The following TAMM41 variants were observed in gnomAD, a reference collection of about 807,000 sequenced individuals.
The protein encoded by TAMM41 is phosphatidate cytidylyltransferase, mitochondrial.
A neutral mutation model predicts 44.1 loss-of-function variants in TAMM41; 36 were observed. The observed-to-expected ratio is 0.82, with a 90% CI of 0.63 to 1.08. The LOEUF is 1.08. Among genes scored for constraint, TAMM41 ranks in the 50% least tolerant of loss-of-function variants. The probability of loss-of-function intolerance (pLI) is 0.00; values close to 1 mark genes in which losing one functional copy is unlikely to be tolerated. For missense variants in TAMM41, 417 were observed against 404.3 expected, an observed-to-expected ratio of 1.03 and a Z score of -0.27; for synonymous variants, 164 against 153.1, an observed-to-expected ratio of 1.07 and a Z score of -0.53.
At chr3:11,774,734 G>A in the TAMM41 span, among the ~76,000 whole-genome samples, 1 of 152,144 alleles carries the variant, frequency 6.6e-6, no homozygotes, top group Non-Finnish European at 1.5e-5. Context: ...GTTCATAGAT[G>A]GCCACTTCTC....
the TAMM41 span, chr3:11,724,988 C>T: frequency 6.6e-6 from 1 of 152,524 alleles, no homozygotes. Flanking sequence ...AGGTAACTGA[C>T]TCCTTCCGTA....
intron 5 of TAMM41, among the ~76,000 whole-genome samples, chr3:11,813,641 T>G (rs2078161216): frequency 6.6e-6 from 1 of 152,068 alleles, no homozygotes; most frequent in Admixed American, 6.5e-5. Flanking sequence ...TGTATTTTAG[T>G]GCCTCATTCT....
At chr3:11,808,558 A>G in intron 6 of TAMM41, 1 of 985,486 alleles carries the variant, frequency 1.0e-6, no homozygotes, top group Non-Finnish European at 1.2e-6. Context: ...TCTATCTGGC[A>G]CGCGGAGGAG....
chr3:11,736,516 G>T, the TAMM41 span, among the ~76,000 whole-genome samples: 1 of 152,210 alleles, frequency 6.6e-6, no homozygotes, highest in East Asian at 1.9e-4. Context: ...CATGGTTTCT[G>T]TTAGGTTACC....
At chr3:11,782,390 A>T in the TAMM41 span, among the ~76,000 whole-genome samples, 1 of 152,044 alleles carries the variant, frequency 6.6e-6, no homozygotes, top group Non-Finnish European at 1.5e-5. Context: ...TACTAAAAAC[A>T]CAAAAAATTA....
intron 7 of TAMM41, 176 bp downstream of exon 7, chr3:11,807,657 A>T: frequency 6.5e-7 from 1 of 1,536,362 alleles, no homozygotes. Flanking sequence ...TTGTTCGACC[A>T]CCAGGTTCTG....
chr3:11,846,868 C>G lies in TAMM41; in HGVS notation c.-232G>C, dbSNP rs955165321. On this transcript the variant is annotated 5_prime_UTR_variant, in exon 1 of 8. Transcript: ENST00000455809. ...GATAGGCTCGGGTGGGCGGCGGTCG[C>G]ACAGGCAGAGCTTCCGTCCCTTGCT... 2.2e-5 allele frequency: 12 copies of G among 547,402 alleles called. No individual in the cohort carries two copies. Among genetic ancestry groups the G allele is most frequent in the Non-Finnish European group, 3.9e-5 (12 of 305,542 alleles). 33.9% of individuals were successfully genotyped at this position (547,402 alleles called of 1,614,324 possible).
downstream of TAMM41, among the ~76,000 whole-genome samples, chr3:11,788,969 A>G (rs1237546954): frequency 2.0e-5 from 3 of 151,878 alleles, no homozygotes; most frequent in African/African-American, 7.3e-5. Flanking sequence ...GAAAAAAAAG[A>G]AAGAAAGAAA....
the TAMM41 span, among the ~76,000 whole-genome samples, chr3:11,783,758 G>A: frequency 2.0e-5 from 3 of 152,200 alleles, no homozygotes; most frequent in African/African-American, 7.2e-5. Context: ...CATGATGACT[G>A]AGCAGTGGTT....
chr3:11,728,095 A>G, the TAMM41 span, among the ~76,000 whole-genome samples: 1 of 152,048 alleles, frequency 6.6e-6, no homozygotes, highest in Non-Finnish European at 1.5e-5. Flanking sequence ...CCCCTGGCCT[A>G]TTTCTTATAA....
the TAMM41 span, among the ~76,000 whole-genome samples, chr3:11,731,493 C>A: frequency 0.51 from 77,837 of 151,718 alleles, 21,108 homozygotes; most frequent in African/African-American, 0.68. Context: ...CCTGTCTCTA[C>A]AAAAATTAAT....
the TAMM41 span, among the ~76,000 whole-genome samples, chr3:11,749,399 C>G: frequency 1.4e-3 from 216 of 152,234 alleles, 1 homozygote; most frequent in African/African-American, 5.0e-3. Context: ...ATCCTTGGGT[C>G]CTGGCCACCA....
intron 6 of TAMM41, chr3:11,808,259 G>A (rs1220376699): frequency 9.3e-7 from 1 of 1,072,396 alleles, no homozygotes; most frequent in African/African-American, 1.7e-5. Context: ...AAAACCAAAT[G>A]ATTACATCTA....
At chr3:11,786,707 C>T (rs1216424237), downstream of TAMM41, among the ~76,000 whole-genome samples, 1 of 151,994 alleles carries the variant, frequency 6.6e-6, no homozygotes, top group Non-Finnish European at 1.5e-5. Context: ...CTCAAGCAAT[C>T]CTCCCACCTC....
chr3:11,740,745 T>C, the TAMM41 span, among the ~76,000 whole-genome samples: 1 of 151,832 alleles, frequency 6.6e-6, no homozygotes, highest in African/African-American at 2.4e-5. Flanking sequence ...TTTGTATTTT[T>C]AGTAGAGACA....
downstream of TAMM41, among the ~76,000 whole-genome samples, chr3:11,788,117 T>G (rs945485617): frequency 1.8e-4 from 28 of 152,200 alleles, no homozygotes; most frequent in African/African-American, 6.8e-4. Context: ...AGGCAGTCAC[T>G]TCCTCTCCAG....
At chr3:11,839,089 T>C in intron 3 of TAMM41, 133 bp downstream of exon 3, 1 of 520,596 alleles carries the variant, frequency 1.9e-6, no homozygotes, top group South Asian at 4.1e-5. Flanking sequence ...CAATAAATTT[T>C]ATAGGGAATA....
chr3:11,824,198 TA>T lies in TAMM41; in HGVS notation c.562+5515del, dbSNP rs1049975301. On this transcript the variant is annotated intron_variant, in intron 4 of 7. Coordinates refer to ENST00000455809, the MANE Select transcript of TAMM41 (RefSeq NM_001284401.2). Reference sequence around the variant, plus strand: ...CCTTATCAGATGCATGATTTGTAAATATTTTTTTTTTAGACAGAGTCTCACT... The same window carrying T: ...CCTTATCAGATGCATGATTTGTAAATTTTTTTTTTTAGACAGAGTCTCACT... 4.1e-4 allele frequency among the ~76,000 whole-genome samples: 61 copies of T among 150,406 alleles called. 1 individual carries two copies. Among genetic ancestry groups the T allele is most frequent in the African/African-American group, 1.5e-3 (61 of 40,796 alleles).
the TAMM41 span, among the ~76,000 whole-genome samples, chr3:11,742,916 C>T: frequency 6.6e-6 from 1 of 152,108 alleles, no homozygotes; most frequent in Non-Finnish European, 1.5e-5. Flanking sequence ...TTTTGAACCC[C>T]TTCCTATGAC....
Sources: allele counts gnomAD v4.1 joint callset (sites outside exome capture counted in the v4.1 genomes callset), GRCh38; gene constraint gnomAD v4.1.1; transcripts MANE v1.5; gene names NCBI Gene and HGNC (gene_info 2026-07-23, HGNC 2026-07-21).